Variants in ANKRD36 observed in about 807,000 individuals in gnomAD.
ANKRD36 encodes the protein ankyrin repeat domain 36.
Under a neutral mutation model 278.1 loss-of-function variants are expected in ANKRD36, and 179 were observed. The ratio of observed to expected loss-of-function variants is 0.64; its 90% CI spans 0.57 to 0.73. The LOEUF is 0.73. Ranked by LOEUF, ANKRD36 falls within the 30% of genes least tolerant of loss-of-function variation. The pLI, the probability that ANKRD36 is intolerant of heterozygous loss-of-function variation, is 0.00. For missense variants in ANKRD36, 1,159 were observed against 1,956.7 expected (o/e 0.59, Z 7.69); for synonymous variants, 320 against 641.1 (o/e 0.50, Z 7.57).
chr2:97,194,199 G>A (rs1255523551), intron 38 of ANKRD36, among the ~76,000 whole-genome samples: 1 of 151,628 alleles, frequency 6.6e-6, no homozygotes, highest in Non-Finnish European at 1.5e-5. Context: ...TATCCAAGGT[G>A]ATCAATTCAG....
In ANKRD36 at chr2:97,143,842, A is replaced by G. The variant is rs527606015; in HGVS notation, c.902-676A>G. Among the ~76,000 whole-genome samples, 3 of 152,146 alleles carry G rather than the reference A, an allele frequency of 2.0e-5. No individual in the cohort carries two copies. In the South Asian group the frequency reaches 6.2e-4, roughly 32 times the overall value. On this transcript the variant is annotated intron_variant, in intron 8 of 75. Coordinates refer to ENST00000420699, the MANE Select transcript of ANKRD36 (RefSeq NM_001354587.1). ...TTATACTTTTTGATGAGGTTTGTAT[A>G]TTATACTTTCTTGCCATGAGTGGGT...
intron 52 of ANKRD36, among the ~76,000 whole-genome samples, chr2:97,206,402 G>A (rs923186112): frequency 6.6e-6 from 1 of 151,460 alleles, no homozygotes; most frequent in Admixed American, 6.6e-5. Flanking sequence ...CTGGGGAACA[G>A]CATAGTTTTG....
At chr2:97,212,304 A>C (rs2064881037) in intron 58 of ANKRD36, among the ~76,000 whole-genome samples, 1 of 151,920 alleles carries the variant, frequency 6.6e-6, no homozygotes, top group Non-Finnish European at 1.5e-5. Flanking sequence ...GAACATTTGC[A>C]TAAAAGAAGA....
intron 30 of ANKRD36, 75 bp downstream of exon 30, chr2:97,185,585 C>T (rs1012629670): frequency 2.3e-5 from 35 of 1,514,934 alleles, no homozygotes; most frequent in Admixed American, 7.7e-5. Flanking sequence ...AATAAATCAG[C>T]GGGGGGCTCG....
intron 54 of ANKRD36, among the ~76,000 whole-genome samples, chr2:97,209,213 A>C (rs1216458239): frequency 6.8e-6 from 1 of 146,624 alleles, no homozygotes; most frequent in Non-Finnish European, 1.5e-5. Context: ...CTGGAGTGTC[A>C]TTGTAATTGT....
At position 97,146,473 on chromosome 2, in the gene ANKRD36, TTTTG is replaced by T; in HGVS notation, c.1004-9_1004-6del. ...TTGTTGATTTAAAATGCATTTTACT[TTTTG>T]TTTAATAGTGCTTCCTGCTGTTGAA... On this transcript the variant is annotated splice_polypyrimidine_tract_variant and intron_variant, in intron 10 of 75. Coordinates refer to ENST00000420699, the MANE Select transcript of ANKRD36 (RefSeq NM_001354587.1). 6.6e-7 allele frequency: 1 copy of T among 1,510,914 alleles called. No individual in the cohort carries two copies. Among genetic ancestry groups the T allele is most frequent in the East Asian group, 2.5e-5 (1 of 40,696 alleles). The allele number at this position is 1,510,914 out of a possible 1,614,324, so 93.6% of individuals were successfully genotyped here.
intron 67 of ANKRD36, among the ~76,000 whole-genome samples, chr2:97,227,861 G>A (rs1368447223): frequency 6.6e-6 from 1 of 152,110 alleles, no homozygotes; most frequent in African/African-American, 2.4e-5. Flanking sequence ...GTTGAATTTT[G>A]TCAAAGGCCT....
chr2:97,219,376 C>T, intron 66 of ANKRD36, 130 bp downstream of exon 66: 1 of 1,263,064 alleles, frequency 7.9e-7, no homozygotes, highest in East Asian at 2.7e-5. Flanking sequence ...AATAATGCAG[C>T]TGTTATCATT....
At chr2:97,230,625 TTC>T (rs2071633373) in intron 67 of ANKRD36, among the ~76,000 whole-genome samples, 1 of 152,094 alleles carries the variant, frequency 6.6e-6, no homozygotes. Context: ...GTCTGAAGCC[TTC>T]TTCTCTCAAC....
At chr2:97,220,013 TTATTA>T (rs1481196991) in intron 66 of ANKRD36, among the ~76,000 whole-genome samples, 1 of 141,074 alleles carries the variant, frequency 7.1e-6, no homozygotes, top group Admixed American at 7.1e-5. Context: ...TTTGTTACAC[TTATTA>T]TATTAAGCCA....
intron 38 of ANKRD36, among the ~76,000 whole-genome samples, chr2:97,193,678 T>C (rs1380284048): frequency 1.3e-5 from 2 of 151,688 alleles, no homozygotes; most frequent in Non-Finnish European, 2.9e-5. Context: ...ATGGTATAAT[T>C]GGAATACACC....
chr2:97,175,611 T>G (rs1401214378), intron 22 of ANKRD36, among the ~76,000 whole-genome samples: 1 of 151,866 alleles, frequency 6.6e-6, no homozygotes, highest in Non-Finnish European at 1.5e-5. Flanking sequence ...GGGGTTTTTG[T>G]GTCTCTATTT....
chr2:97,189,127 C>G lies in ANKRD36; in HGVS notation c.2172+12C>G, dbSNP rs2058032307. ...AACCAGCCTTGAAGGTAATTAAACT[C>G]TCGTTTACATTGTGAACTAGTAATT... On this transcript the variant is annotated intron_variant, in intron 33 of 75. Coordinates refer to ENST00000420699, the MANE Select transcript of ANKRD36 (RefSeq NM_001354587.1). The G allele has an allele frequency of 2.6e-6, 2 of 758,420 alleles. 1 individual carries two copies. The highest frequency in any genetic ancestry group is 4.4e-5 in the Admixed American group (2 of 45,272). The allele number at this position is 758,420 out of a possible 1,614,324, so 47.0% of individuals were successfully genotyped here.
chr2:97,219,417 A>G (rs1311854072), intron 66 of ANKRD36, among the ~76,000 whole-genome samples, 171 bp downstream of exon 66: 1 of 152,156 alleles, frequency 6.6e-6, no homozygotes, highest in Non-Finnish European at 1.5e-5. Context: ...TGAGATTTAC[A>G]TGCATAAAGA....
chr2:97,198,335 AG>A (rs1238696249), intron 42 of ANKRD36, 127 bp from the exon 43 acceptor site: 2 of 1,524,900 alleles, frequency 1.3e-6, no homozygotes, highest in Non-Finnish European at 1.8e-6. Context: ...CCAGACACAA[AG>A]TAGAAGCCAT....
intron 8 of ANKRD36, among the ~76,000 whole-genome samples, chr2:97,144,013 A>G (rs1030829361): frequency 1.3e-5 from 2 of 152,112 alleles, no homozygotes; most frequent in African/African-American, 4.8e-5. Flanking sequence ...ACTTCCACAG[A>G]GCACTTGGGA....
At chr2:97,122,600 A>G (rs2153413103) in intron 3 of ANKRD36, among the ~76,000 whole-genome samples, 2 of 149,556 alleles carry the variant, frequency 1.3e-5, no homozygotes, top group Middle Eastern at 3.4e-3. Context: ...AATCCTTGAA[A>G]CATGCCATGC....
intron 28 of ANKRD36, among the ~76,000 whole-genome samples, chr2:97,184,627 G>T (rs1363863726): frequency 6.6e-6 from 1 of 151,530 alleles, no homozygotes; most frequent in Non-Finnish European, 1.5e-5. Context: ...GTAATTTATT[G>T]TACTTTTTGA....
intron 15 of ANKRD36, 45 bp downstream of exon 15, chr2:97,154,786 A>AT (rs769166840): frequency 7.2e-7 from 1 of 1,382,992 alleles, no homozygotes. Context: ...TCTGAATCTC[A>AT]TTTTTTGTAT....
Sources: gnomAD v4.1 joint callset for allele counts (sites outside exome capture counted in the v4.1 genomes callset) on GRCh38, gnomAD v4.1.1 for gene constraint, MANE v1.5 for transcripts, NCBI Gene and HGNC (gene_info 2026-07-23, HGNC 2026-07-21) for gene names.